The following CACNA1C variants were observed in gnomAD, a reference collection of about 807,000 sequenced individuals.
The protein encoded by CACNA1C is calcium voltage-gated channel subunit alpha1 C, also known as voltage-dependent L-type calcium channel subunit alpha-1C.
A neutral mutation model predicts 229.0 loss-of-function variants in CACNA1C; 30 were observed. The observed-to-expected ratio is 0.13, with a 90% confidence interval of 0.10 to 0.18. The LOEUF is 0.18. Among genes scored for constraint, CACNA1C ranks in the 10% least tolerant of loss-of-function variants. CACNA1C has a pLI of 1.00. For missense variants in CACNA1C, 1,658 were observed against 2,845.0 expected (o/e 0.58, Z 9.49); for synonymous variants, 1,114 against 1,132.5 (o/e 0.98, Z 0.33).
chr12:2,412,959 A>C (rs1201226025), intron 3 of CACNA1C, among the ~76,000 whole-genome samples: 5 of 152,238 alleles, frequency 3.3e-5, no homozygotes, highest in Admixed American at 6.5e-5. Flanking sequence ...TTATGATATA[A>C]GTGAATTGGC....
chr12:2,267,126 G>T (rs78155648), intron 3 of CACNA1C, among the ~76,000 whole-genome samples: 1 of 152,050 alleles, frequency 6.6e-6, no homozygotes, highest in Non-Finnish European at 1.5e-5. Flanking sequence ...GGTATTGCCC[G>T]GCGCTGTGTT....
At chr12:2,580,161 CTG>C (rs1190872440) in intron 13 of CACNA1C, among the ~76,000 whole-genome samples, 1 of 152,160 alleles carries the variant, frequency 6.6e-6, no homozygotes, top group Non-Finnish European at 1.5e-5. Flanking sequence ...TGAGACAAGA[CTG>C]TATAGAACAG....
At chr12:2,541,850 A>G (rs2154591397) in intron 9 of CACNA1C, among the ~76,000 whole-genome samples, 1 of 152,324 alleles carries the variant, frequency 6.6e-6, no homozygotes, top group Admixed American at 6.5e-5. Flanking sequence ...AACTAGGCAG[A>G]TTGTTTCATC....
intron 34 of CACNA1C, 30 bp downstream of exon 34, chr12:2,655,268 TAC>T (rs2095352586): frequency 3.0e-6 from 4 of 1,323,814 alleles, no homozygotes; most frequent in African/African-American, 1.4e-5. Flanking sequence ...GGTGCACAGA[TAC>T]ACACACACCT....
chr12:2,307,609 T>A (rs188399344), intron 3 of CACNA1C, among the ~76,000 whole-genome samples: 26 of 152,312 alleles, frequency 1.7e-4, no homozygotes, highest in Admixed American at 1.7e-3. Flanking sequence ...GAATCATCCA[T>A]CTTGAAGGGC....
intron 18 of CACNA1C, among the ~76,000 whole-genome samples, chr12:2,592,980 A>G (rs2066133001): frequency 6.6e-6 from 1 of 152,140 alleles, no homozygotes; most frequent in African/African-American, 2.4e-5. Flanking sequence ...TTTTAAAACC[A>G]GAACAAGTTG....
chr12:2,313,830 C>G (rs1178505630), intron 3 of CACNA1C, among the ~76,000 whole-genome samples: 5 of 152,192 alleles, frequency 3.3e-5, no homozygotes. Flanking sequence ...CGCTTTTTAT[C>G]TATTGACACT....
At chr12:2,463,684 G>A (rs1347332127) in intron 5 of CACNA1C, among the ~76,000 whole-genome samples, 5 of 152,306 alleles carry the variant, frequency 3.3e-5, no homozygotes, top group South Asian at 4.1e-4. Flanking sequence ...GAGAGTGGCC[G>A]TGGCCCTGGA....
At chr12:2,156,984 C>T (rs1229786805) in intron 3 of CACNA1C, among the ~76,000 whole-genome samples, 4 of 152,126 alleles carry the variant, frequency 2.6e-5, no homozygotes, top group Admixed American at 6.6e-5. Context: ...GAATCCTAAG[C>T]GGCAGTGGGG....
chr12:2,414,977 G>A (rs1282463411), intron 3 of CACNA1C, among the ~76,000 whole-genome samples: 1 of 152,106 alleles, frequency 6.6e-6, no homozygotes, highest in East Asian at 1.9e-4. Context: ...TATGAGTCAT[G>A]CCCACCGGGC....
chr12:2,132,159 C>G (rs2092379129), intron 3 of CACNA1C, among the ~76,000 whole-genome samples: 1 of 144,080 alleles, frequency 6.9e-6, no homozygotes, highest in Non-Finnish European at 1.5e-5. Flanking sequence ...GATTTTGTAT[C>G]CTGAGACTTT....
At chr12:2,473,676 C>T (rs182691892) in intron 5 of CACNA1C, among the ~76,000 whole-genome samples, 56 of 152,284 alleles carry the variant, frequency 3.7e-4, no homozygotes, top group Non-Finnish European at 6.0e-4. Flanking sequence ...GGTGACATGA[C>T]TTGTCAAGGT....
At chr12:2,253,251 A>C (rs1185021070) in intron 3 of CACNA1C, among the ~76,000 whole-genome samples, 1 of 152,242 alleles carries the variant, frequency 6.6e-6, no homozygotes, top group Non-Finnish European at 1.5e-5. Flanking sequence ...AGTGGTTGAA[A>C]TATTAGGAAG....
chr12:2,629,805 A>G (rs2089455942), intron 29 of CACNA1C, among the ~76,000 whole-genome samples: 1 of 152,250 alleles, frequency 6.6e-6, no homozygotes. Context: ...ATGCTTTTGC[A>G]GCAGTTGTTC....
Position 2,067,481 on chromosome 12 carries a change from T to TGCGC in CACNA1C, c.49+13874_49+13877dup, listed in dbSNP as rs144122965. On this transcript the variant is annotated intron_variant, in intron 1 of 46. Transcript: ENST00000399655. The surrounding 1 kb of genome is among the most constrained non-coding windows in gnomAD (Gnocchi z 5.3). ...GTGTGTGTGTGTGTGTGTGTGTGTGTGCGCGCGTGTGCGTGCCTGTATGTA... is the reference window on the plus strand; with the variant it reads ...GTGTGTGTGTGTGTGTGTGTGTGTGTGCGCGCGCGCGTGTGCGTGCCTGTATGTA... 5.3e-4 allele frequency among the ~76,000 whole-genome samples: 74 copies of TGCGC among 140,886 alleles called. No homozygotes were observed. The highest frequency in any genetic ancestry group is 1.7e-3 in the East Asian group (8 of 4,712). The allele number at this position is 140,886 out of a possible 152,430, so 92.4% of individuals were successfully genotyped here.
At chr12:2,073,579 C>T (rs1475314583) in intron 1 of CACNA1C, among the ~76,000 whole-genome samples, 2 of 152,198 alleles carry the variant, frequency 1.3e-5, no homozygotes, top group Admixed American at 6.5e-5. Flanking sequence ...GCTGAAAGCC[C>T]CACAGGAGCA....
intron 5 of CACNA1C, among the ~76,000 whole-genome samples, chr12:2,484,337 TAGCATATTCAACTCTCTAAAAGAAG>T (rs2099688947): frequency 6.6e-6 from 1 of 152,108 alleles, no homozygotes; most frequent in Admixed American, 6.5e-5. Flanking sequence ...GGAGGAACAG[TAGCATATTCAACTCTCTAAAAGAAG>T]AGCTGTTTTA....
At chr12:2,687,323 TCTC>T (rs2097553427) in intron 45 of CACNA1C, among the ~76,000 whole-genome samples, 1 of 152,294 alleles carries the variant, frequency 6.6e-6, no homozygotes, top group East Asian at 1.9e-4. Context: ...GGCACGAAAC[TCTC>T]CTCTTCATCT....
At chr12:2,313,665 C>G (rs1367430208) in intron 3 of CACNA1C, among the ~76,000 whole-genome samples, 2 of 152,114 alleles carry the variant, frequency 1.3e-5, no homozygotes, top group African/African-American at 4.8e-5. Flanking sequence ...AGCCCTTTCC[C>G]TCTAATGTGG....
Sources: allele counts gnomAD v4.1 joint callset (sites outside exome capture counted in the v4.1 genomes callset), GRCh38; gene constraint gnomAD v4.1.1; non-coding constraint Gnocchi (gnomAD v3.1); transcripts MANE v1.5; gene names NCBI Gene and HGNC (gene_info 2026-07-23, HGNC 2026-07-21).